The following ZNF875 variants were observed in gnomAD, a reference collection of about 807,000 sequenced individuals.
ZNF875 encodes the protein zinc finger protein 875.
A neutral mutation model predicts 11.2 loss-of-function variants in ZNF875; 14 were observed. The observed-to-expected ratio is 1.26, with a 90% CI of 0.83 to 1.96. The LOEUF (loss-of-function observed/expected upper bound fraction) is 1.96, where lower values mean the gene tolerates loss of function less well. ZNF875 is among the 30% of genes most tolerant of loss of function. The pLI is 0.00. For missense variants in ZNF875, 752 were observed against 760.4 expected, an observed-to-expected ratio of 0.99 and a Z score of 0.13; for synonymous variants, 301 against 281.1, an observed-to-expected ratio of 1.07 and a Z score of -0.71.
chr19:37,325,009 A>G (rs7408133), intron 4 of ZNF875: 31,777 of 151,984 alleles, frequency 0.21, 3,537 homozygotes, highest in South Asian at 0.31. Flanking sequence ...GGATCTCCTG[A>G]CCTCGTGATC....
chr19:37,334,950 C>T (rs186450193), intron 1 of ZNF875, 168 bp downstream of exon 1: 2 of 480,048 alleles, frequency 4.2e-6, no homozygotes, highest in Admixed American at 5.9e-5. Context: ...ACCCTCACTC[C>T]GTTGCTTGGG....
rs1275608081 is a variant in ZNF875 at position 37,334,755 on chromosome 19, C to T, written c.-84C>T. The T allele has an allele frequency of 2.2e-6, 1 of 456,212 alleles. No homozygotes were observed. The highest frequency in any genetic ancestry group is 2.0e-5 in the African/African-American group (1 of 50,100). The allele number at this position is 456,212 out of a possible 1,614,324, so 28.3% of individuals were successfully genotyped here. On this transcript the variant is annotated 5_prime_UTR_variant, in exon 1 of 5. Transcript: ENST00000392153. ...CACCTTGTTACCTGACTTTCGGCTTCAGGATCCGCAGCGTGCACCCGCGTT... is the reference window on the plus strand; with the variant it reads ...CACCTTGTTACCTGACTTTCGGCTTTAGGATCCGCAGCGTGCACCCGCGTT...
chr19:37,326,055 C>G (rs1272349266), intron 4 of ZNF875, among the ~76,000 whole-genome samples: 1 of 151,980 alleles, frequency 6.6e-6, no homozygotes, highest in Non-Finnish European at 1.5e-5. Context: ...GTTGCCCAGA[C>G]CGGTCTCAAA....
At chr19:37,313,220 A>T (rs1303810924), upstream of ZNF875, 3 of 150,032 alleles carry the variant, frequency 2.0e-5, no homozygotes, top group African/African-American at 7.4e-5. Flanking sequence ...CCGCGAAACA[A>T]CAACAACAAC....
chr19:37,334,851 G>A (rs959767955), intron 1 of ZNF875, 69 bp downstream of exon 1: 3 of 460,870 alleles, frequency 6.5e-6, no homozygotes, highest in African/African-American at 6.0e-5. Flanking sequence ...CCGGCTGGGA[G>A]CCGCAGAGCT....
intron 4 of ZNF875, among the ~76,000 whole-genome samples, chr19:37,349,983 T>TTC: frequency 9.2e-6 from 1 of 108,730 alleles, no homozygotes; most frequent in Non-Finnish European, 1.8e-5. Context: ...TTTTTTTTTT[T>TTC]AATACAGAGT....
At position 37,362,259 on chromosome 19, in the gene ZNF875, C is replaced by T. The variant is rs368333855; in HGVS notation, c.407C>T (p.Pro136Leu). The stretch of plus-strand genomic sequence containing the variant: ...CCTCTCCACCTGGGAAAACACTATC[C>T]AGAAGATCAGAAACAACAGCAGGAT... ...GNPLHLGKHY[P>L]EDQKQQQDPF... Residue 136 changes from proline to leucine, a missense_variant, in exon 5 of 5, where the codon CCA becomes CTA. Pro to Leu is a moderately conservative substitution (Grantham distance 98, BLOSUM62 -3). Coordinates refer to ENST00000392153, the MANE Select transcript of ZNF875 (RefSeq NM_001353803.2). 2 of 1,614,026 alleles carry T rather than the reference C, an allele frequency of 1.2e-6. No homozygotes were observed. The highest frequency in any genetic ancestry group is 1.7e-6 in the Non-Finnish European group (2 of 1,180,030).
chr19:37,316,486 C>T (rs1414574937), upstream of ZNF875, among the ~76,000 whole-genome samples: 2 of 151,774 alleles, frequency 1.3e-5, no homozygotes, highest in Non-Finnish European at 2.9e-5. Context: ...TCTCCTGCCT[C>T]AGCCTCCCAA....
At chr19:37,338,329 G>C (rs1261306522) in intron 2 of ZNF875, among the ~76,000 whole-genome samples, 2 of 152,110 alleles carry the variant, frequency 1.3e-5, no homozygotes, top group Admixed American at 6.6e-5. Flanking sequence ...CGCCATGTTG[G>C]CCAGGCTGGT....
intron 1 of ZNF875, 171 bp downstream of exon 1, chr19:37,334,953 T>G (rs796144870): frequency 2.9e-5 from 14 of 486,366 alleles, no homozygotes; most frequent in African/African-American, 2.7e-4. Context: ...CTCACTCCGT[T>G]GCTTGGGGAC....
At chr19:37,334,581 C>G, upstream of ZNF875, 1 of 416,324 alleles carries the variant, frequency 2.4e-6, no homozygotes, top group African/African-American at 2.0e-5. Flanking sequence ...ACTACAATCC[C>G]CAGAGGCCTC....
upstream of ZNF875, chr19:37,317,252 C>G (rs1218864679): frequency 1.6e-5 from 2 of 121,528 alleles, no homozygotes; most frequent in African/African-American, 6.5e-5. Context: ...TTGGCGCGAT[C>G]TCTGCTCACT....
intron 4 of ZNF875, chr19:37,328,654 G>A (rs538541110): frequency 6.6e-6 from 1 of 152,280 alleles, no homozygotes; most frequent in South Asian, 2.1e-4. Flanking sequence ...TAAACCAAGT[G>A]AACCCTTATA....
At chr19:37,323,420 T>G (rs1006550562) in intron 2 of ZNF875, 1 of 151,810 alleles carries the variant, frequency 6.6e-6, no homozygotes, top group African/African-American at 2.4e-5. Flanking sequence ...CCTCCCAGAG[T>G]GCTGGGATTA....
At chr19:37,317,748 TC>T (rs2030335419), upstream of ZNF875, among the ~76,000 whole-genome samples, 1 of 152,214 alleles carries the variant, frequency 6.6e-6, no homozygotes, top group South Asian at 2.1e-4. Context: ...AACCTGCACA[TC>T]CATTGACTGA....
rs114473281 is a variant in ZNF875, at chr19:37,335,741, G to A, written c.33+484G>A. 2.8e-3 allele frequency among the ~76,000 whole-genome samples: 422 copies of A among 152,294 alleles called. 1 individual carries two copies. The highest frequency in any genetic ancestry group is 9.8e-3 in the African/African-American group (407 of 41,572). On this transcript the variant is annotated intron_variant, in intron 2 of 4. Transcript: ENST00000392153. ...AAGGAGCCAGGCGCCAGGCAGTGAT[G>A]GCTCTCAGCACATCTTTTGGTGGCA...
intron 1 of ZNF875, among the ~76,000 whole-genome samples, chr19:37,319,425 C>T (rs1230660481): frequency 6.7e-6 from 1 of 148,220 alleles, no homozygotes; most frequent in African/African-American, 2.5e-5. Context: ...ATTGGTGGAT[C>T]TCTGACTTTT....
chr19:37,320,203 C>T (rs1181104439), intron 1 of ZNF875, among the ~76,000 whole-genome samples: 2 of 152,218 alleles, frequency 1.3e-5, no homozygotes, highest in African/African-American at 2.4e-5. Context: ...CCTGCAGTTC[C>T]ATCAGCCAAG....
intron 4 of ZNF875, among the ~76,000 whole-genome samples, chr19:37,353,189 A>C (rs935959098): frequency 6.6e-6 from 1 of 152,056 alleles, no homozygotes; most frequent in African/African-American, 2.4e-5. Flanking sequence ...TTCGATCTTC[A>C]TGTTAATTTC....
Sources: allele counts gnomAD v4.1 joint callset (sites outside exome capture counted in the v4.1 genomes callset), GRCh38; gene constraint gnomAD v4.1.1; transcripts MANE v1.5; gene names NCBI Gene and HGNC (gene_info 2026-07-23, HGNC 2026-07-21).